Variants in CYC1 observed in about 807,000 individuals in gnomAD.
The protein encoded by CYC1 is cytochrome c1, heme protein, mitochondrial.
Under a neutral mutation model 33.8 loss-of-function variants are expected in CYC1, and 10 were observed. The ratio of observed to expected loss-of-function variants is 0.30; its 90% confidence interval spans 0.18 to 0.50. CYC1 has a LOEUF of 0.50. CYC1 is among the 20% of genes least tolerant of loss of function. CYC1 has a pLI of 0.98. For synonymous variants in CYC1, 224 were observed against 181.9 expected, an observed-to-expected ratio of 1.23 and a Z score of -1.86; for missense variants, 459 against 437.6, an observed-to-expected ratio of 1.05 and a Z score of -0.44.
At position 144,097,402 on chromosome 8, in the gene CYC1, C is replaced by T; in HGVS notation, c.*66C>T. On this transcript the variant is annotated 3_prime_UTR_variant, in exon 7 of 7. Coordinates refer to ENST00000318911, the MANE Select transcript of CYC1 (RefSeq NM_001916.5). ...CTCAAGCCCAAGAGCCATCCCAGGC[C>T]TGTTCAGGCCTCAGCTAAGCCTCTC... is the stretch of plus-strand genomic sequence containing the variant. 7.3e-7 allele frequency: 1 copy of T among 1,361,014 alleles called. No individual in the cohort carries two copies. Among genetic ancestry groups the T allele is most frequent in the Non-Finnish European group, 1.0e-6 (1 of 961,236 alleles). 84.3% of individuals were successfully genotyped at this position (1,361,014 alleles called of 1,614,324 possible).
chr8:144,096,292 C>G lies in CYC1; in HGVS notation c.453+42C>G, dbSNP rs759723468. The G allele has an allele frequency of 6.2e-6, 10 of 1,613,286 alleles. No individual in the cohort carries two copies. In the South Asian group the frequency reaches 1.1e-4, roughly 18 times the overall value. On this transcript the variant is annotated intron_variant, in intron 3 of 6. Transcript: ENST00000318911. Reference sequence around the variant, plus strand: ...TGCCTGGGACCCAGGGCTCAGGGCTCCCACTGTTGAGATGGCAGGGTTGTG... The same window carrying G: ...TGCCTGGGACCCAGGGCTCAGGGCTGCCACTGTTGAGATGGCAGGGTTGTG...
chr8:144,095,336 C>A, intron 1 of CYC1, 108 bp downstream of exon 1: 2 of 972,060 alleles, frequency 2.1e-6, no homozygotes, highest in Non-Finnish European at 2.6e-6. Flanking sequence ...CGGTACCGGC[C>A]ACCCAGCGTC....
Position 144,096,582 on chromosome 8 carries a change from A to C in CYC1, c.612-2A>C. The stretch of plus-strand genomic sequence containing the variant: ...ACTAAGGAGCCATGGATCTGGTCCT[A>C]GGCATGGTGGTGAGGACTACGTCTT... On this transcript the variant is annotated splice_acceptor_variant, in intron 4 of 6. Coordinates refer to ENST00000318911, the MANE Select transcript of CYC1 (RefSeq NM_001916.5). LOFTEE classifies it high-confidence loss of function. The C allele has an allele frequency of 6.2e-7, 1 of 1,614,010 alleles. No homozygotes were observed. Among genetic ancestry groups the C allele is most frequent in the Non-Finnish European group, 8.5e-7 (1 of 1,179,984 alleles).
chr8:144,096,948 G>A (rs1204926524), intron 5 of CYC1, 86 bp from the exon 6 acceptor site: 18 of 1,284,198 alleles, frequency 1.4e-5, no homozygotes, highest in Non-Finnish European at 2.0e-5. Context: ...CCTTGGGTAG[G>A]GGCAGTGTCT....
In CYC1 at chr8:144,095,291, G is replaced by A. The variant is rs1836126950; in HGVS notation, c.129+63G>A. The A allele has an allele frequency of 1.5e-5, 18 of 1,177,550 alleles. 1 individual carries two copies. The South Asian group carries it at 7.3e-4, about 48-fold the overall frequency. The allele number at this position is 1,177,550 out of a possible 1,614,324, so 72.9% of individuals were successfully genotyped here. ...CGCATCTCCGTGAAGGTCACGGCGG[G>A]GAGGCTGCGGGCGCGGGCCTGGGCA... On this transcript the variant is annotated intron_variant, in intron 1 of 6. Transcript: ENST00000318911.
In CYC1 at chr8:144,097,480, C is replaced by T. The variant is rs1204713315; in HGVS notation, c.*144C>T. The T allele has an allele frequency of 4.8e-6, 3 of 623,690 alleles. No homozygotes were observed. The highest frequency in any genetic ancestry group is 8.5e-6 in the Non-Finnish European group (3 of 353,312). 38.6% of individuals were successfully genotyped at this position (623,690 alleles called of 1,614,324 possible). A position where few individuals can be genotyped will look rare whatever the true frequency, so the allele number is the denominator to read the frequency against. Reference sequence around the variant, plus strand: ...AGGAGACCAGGCTCTAGCTCTGGGCCCTCCTTCAGCCCCCATCATGGGAAT... The same window carrying T: ...AGGAGACCAGGCTCTAGCTCTGGGCTCTCCTTCAGCCCCCATCATGGGAAT... On this transcript the variant is annotated 3_prime_UTR_variant, in exon 7 of 7. Transcript: ENST00000318911.
Position 144,097,377 on chromosome 8 carries a change from C to A in CYC1, c.*41C>A. ...GCTTGCCATCCTGCCAGAACAGGCC[C>A]TCAAGCCCAAGAGCCATCCCAGGCC... On this transcript the variant is annotated 3_prime_UTR_variant, in exon 7 of 7. Coordinates refer to ENST00000318911, the MANE Select transcript of CYC1 (RefSeq NM_001916.5). 6.4e-7 allele frequency: 1 copy of A among 1,568,466 alleles called. No individual in the cohort carries two copies. The highest frequency in any genetic ancestry group is 1.1e-5 in the South Asian group (1 of 89,760).
In CYC1 at chr8:144,096,006, C is replaced by T. The variant is rs753816240; in HGVS notation, c.303C>T (p.Leu101=). 8 of 1,605,244 alleles carry T rather than the reference C, an allele frequency of 5.0e-6. No individual in the cohort carries two copies. The highest frequency in any genetic ancestry group is 6.8e-6 in the Non-Finnish European group (8 of 1,178,616). ...PPSYPWSHRG[L]LSSLDHTSIR... is the part of the protein sequence containing the mutation. ...GCTATCCGTGGTCTCACCGTGGCCT[C>T]CTCTCTTCCTTGGACCACACCAGGT... The change falls in exon 2 of 7, where the codon CTC becomes CTT. Residue 101 remains leucine, a synonymous_variant. Transcript: ENST00000318911.
At chr8:144,097,155 T>G in intron 6 of CYC1, 21 bp downstream of exon 6, 1 of 1,611,630 alleles carries the variant, frequency 6.2e-7, no homozygotes, top group Non-Finnish European at 8.5e-7. Flanking sequence ...TGGGAGGCCA[T>G]GGTGGGTATC....
chr8:144,095,234 C>A lies in CYC1; in HGVS notation c.129+6C>A. ...TCCCGCTACGGACACCTCAGGTGAG[C>A]GCTGGGCCGGGCCCCGGCCTCCGCG... is the stretch of plus-strand genomic sequence containing the variant. On this transcript the variant is annotated splice_donor_region_variant and intron_variant, in intron 1 of 6. Coordinates refer to ENST00000318911, the MANE Select transcript of CYC1 (RefSeq NM_001916.5). The A allele has an allele frequency of 8.3e-7, 1 of 1,198,358 alleles. No homozygotes were observed. The allele number at this position is 1,198,358 out of a possible 1,614,324, so 74.2% of individuals were successfully genotyped here.
chr8:144,095,993 C>A lies in CYC1; in HGVS notation c.290C>A (p.Ser97Tyr), dbSNP rs756210302. 1.2e-6 allele frequency: 2 copies of A among 1,605,990 alleles called. No homozygotes were observed. Among genetic ancestry groups the A allele is most frequent in the South Asian group, 2.2e-5 (2 of 90,966 alleles). The change falls in exon 2 of 7, where the codon TCT (serine) becomes TAT (tyrosine). Residue 97 changes from serine to tyrosine, a missense_variant. Transcript: ENST00000318911. Reference sequence around the variant, plus strand: ...CTGCACCCCCCCAGCTATCCGTGGTCTCACCGTGGCCTCCTCTCTTCCTTG... The same window carrying A: ...CTGCACCCCCCCAGCTATCCGTGGTATCACCGTGGCCTCCTCTCTTCCTTG... Reference protein sequence around the residue: ...LELHPPSYPWSHRGLLSSLDH... With the variant: ...LELHPPSYPWYHRGLLSSLDH...
In CYC1 at chr8:144,096,215, T is replaced by C; in HGVS notation, c.418T>C (p.Tyr140His). ...VAYRHLVGVC[Y>H]TEDEAKELAA... ...CTACCGCCACCTGGTGGGCGTGTGC[T>C]ACACGGAGGATGAAGCTAAGGAGCT... The change falls in exon 3 of 7, where the codon TAC becomes CAC. Residue 140 changes from tyrosine (Y) to histidine (H), a missense_variant. Physicochemically the swap from Tyr to His is moderately conservative, Grantham distance 83 (BLOSUM62 2). Coordinates refer to ENST00000318911, the MANE Select transcript of CYC1 (RefSeq NM_001916.5). 6.2e-7 allele frequency: 1 copy of C among 1,614,072 alleles called. No homozygotes were observed. Among genetic ancestry groups the C allele is most frequent in the South Asian group, 1.1e-5 (1 of 91,078 alleles).
At chr8:144,095,476 G>A in intron 1 of CYC1, 1 of 435,094 alleles carries the variant, frequency 2.3e-6, no homozygotes, top group Admixed American at 4.4e-5. Context: ...GCGGGGCTGG[G>A]GCTTTCCCGA....
rs745441729 is a variant in CYC1 at position 144,097,108 on chromosome 8, G to A, written c.847G>A (p.Asp283Asn). 16 of 1,612,014 alleles carry A rather than the reference G, an allele frequency of 9.9e-6. No individual in the cohort carries two copies. In the East Asian group the frequency reaches 2.5e-4, roughly 25 times the overall value. ...FLRWASEPEH[D>N]HRKRMGLKML... is the part of the protein sequence containing the mutation. ...GCGCTGGGCATCTGAGCCAGAGCAC[G>A]ACCATCGAAAACGCATGGGGCTCAA... Residue 283 changes from aspartate to asparagine, a missense_variant, in exon 6 of 7, where the codon GAC becomes AAC. Transcript: ENST00000318911.
At position 144,095,891 on chromosome 8, in the gene CYC1, C is replaced by T; in HGVS notation, c.188C>T (p.Ala63Val). ...CGAGGCCGGAAAGTGATGCTGTCAG[C>T]GCTGGGCATGCTGGCGGCAGGGGGT... is the stretch of plus-strand genomic sequence containing the variant. ...LSRGRKVMLS[A>V]LGMLAAGGAG... Residue 63 changes from alanine (A) to valine (V), a missense_variant, in exon 2 of 7, where the codon GCG becomes GTG. By Grantham distance (64) the Ala-to-Val change is moderately conservative. Coordinates refer to ENST00000318911, the MANE Select transcript of CYC1 (RefSeq NM_001916.5). 4 of 1,609,288 alleles carry T rather than the reference C, an allele frequency of 2.5e-6. No individual in the cohort carries two copies. The highest frequency in any genetic ancestry group is 1.1e-5 in the South Asian group (1 of 91,050).
chr8:144,096,909 G>A lies in CYC1; in HGVS notation c.773-125G>A, dbSNP rs540799120. On this transcript the variant is annotated intron_variant, in intron 5 of 6. Transcript: ENST00000318911. ...TTTGGGCTCCTTCAGTTTTGCGTATGTCCGGTGGAGGGTACTGCCCCTTTG... is the reference window on the plus strand; with the variant it reads ...TTTGGGCTCCTTCAGTTTTGCGTATATCCGGTGGAGGGTACTGCCCCTTTG... 7.9e-5 allele frequency: 91 copies of A among 1,154,814 alleles called. 1 individual carries two copies. In the African/African-American group the frequency reaches 1.2e-3, roughly 15 times the overall value. The allele number at this position is 1,154,814 out of a possible 1,614,324, so 71.5% of individuals were successfully genotyped here.
At position 144,097,415 on chromosome 8, in the gene CYC1, A is replaced by G; in HGVS notation, c.*79A>G. The G allele has an allele frequency of 2.5e-6, 3 of 1,200,660 alleles. No individual in the cohort carries two copies. The highest frequency in any genetic ancestry group is 3.6e-6 in the Non-Finnish European group (3 of 827,868). The allele number at this position is 1,200,660 out of a possible 1,614,324, so 74.4% of individuals were successfully genotyped here. A position where few individuals can be genotyped will look rare whatever the true frequency, so the allele number is the denominator to read the frequency against. On this transcript the variant is annotated 3_prime_UTR_variant, in exon 7 of 7. Transcript: ENST00000318911. ...GCCATCCCAGGCCTGTTCAGGCCTC[A>G]GCTAAGCCTCTCTTCATCTGGAAGA...
intron 6 of CYC1, 27 bp downstream of exon 6, chr8:144,097,161 G>T (rs745484298): frequency 1.3e-5 from 21 of 1,611,050 alleles, no homozygotes; most frequent in Admixed American, 1.7e-5. Flanking sequence ...GCCATGGTGG[G>T]TATCAGAGAA....
rs759678891 is a variant in CYC1, at chr8:144,097,328, C to T, written c.970C>T (p.Pro324Ser). ...LKSRKLAYRP[P>S]K Reference sequence around the variant, plus strand: ...GAGTCGGAAGCTGGCATATCGGCCGCCCAAGTGACCCTGTCCAGTGTCTGC... The same window carrying T: ...GAGTCGGAAGCTGGCATATCGGCCGTCCAAGTGACCCTGTCCAGTGTCTGC... Residue 324 changes from proline to serine, a missense_variant, in exon 7 of 7, where the codon CCC becomes TCC. Coordinates refer to ENST00000318911, the MANE Select transcript of CYC1 (RefSeq NM_001916.5). 6.2e-7 allele frequency: 1 copy of T among 1,613,598 alleles called. No homozygotes were observed. Among genetic ancestry groups the T allele is most frequent in the East Asian group, 2.2e-5 (1 of 44,880 alleles).
Sources: allele counts gnomAD v4.1 joint callset, GRCh38; gene constraint gnomAD v4.1.1; transcripts MANE v1.5; gene names NCBI Gene and HGNC (gene_info 2026-07-23, HGNC 2026-07-21).